DNAH8: variants seen among roughly 807,000 people sequenced by gnomAD.
The protein encoded by DNAH8 is dynein axonemal heavy chain 8.
In DNAH8, 382 loss-of-function variants were observed where a neutral mutation model predicts 562.1. That is an observed-to-expected ratio of 0.68 (90% CI 0.63 to 0.74). DNAH8 has a LOEUF of 0.74. DNAH8 is among the 30% of genes least tolerant of loss of function. The pLI is 0.00. For synonymous variants in DNAH8, 1,881 were observed against 1,919.4 expected, an observed-to-expected ratio of 0.98 and a Z score of 0.52; for missense variants, 5,203 against 5,620.4, an observed-to-expected ratio of 0.93 and a Z score of 2.37.
intron 41 of DNAH8, 67 bp downstream of exon 41, chr6:38,853,414 G>C: frequency 6.4e-7 from 1 of 1,557,176 alleles, no homozygotes; most frequent in Non-Finnish European, 8.8e-7. Flanking sequence ...ATGCTTAGCA[G>C]GTGGTTGACC....
chr6:38,761,355 T>G (rs1766495080), intron 10 of DNAH8, among the ~76,000 whole-genome samples: 1 of 148,944 alleles, frequency 6.7e-6, no homozygotes, highest in African/African-American at 2.5e-5. Flanking sequence ...GTGTTGCTCT[T>G]CATTTTTGTA....
intron 10 of DNAH8, among the ~76,000 whole-genome samples, chr6:38,757,095 C>T (rs1351365324): frequency 6.6e-6 from 1 of 152,178 alleles, no homozygotes; most frequent in East Asian, 1.9e-4. Flanking sequence ...GGAATCGCCA[C>T]ACTGACTTCC....
At position 38,747,279 on chromosome 6, in the gene DNAH8, A is replaced by T. The variant is rs371818083; in HGVS notation, c.1294-3197A>T. ...AAGGTCACAGAGTTAGTTGGAGGGG[A>T]AGCAGGATATAAGGTCATGCACTTA... On this transcript the variant is annotated intron_variant, in intron 8 of 92. Transcript: ENST00000327475. Among the ~76,000 whole-genome samples, 3 of 152,214 alleles carry T rather than the reference A, an allele frequency of 2.0e-5. No individual in the cohort carries two copies. In the East Asian group the frequency reaches 5.8e-4, roughly 29 times the overall value.
At chr6:38,774,635 A>G (rs1767892667) in intron 12 of DNAH8, among the ~76,000 whole-genome samples, 1 of 152,208 alleles carries the variant, frequency 6.6e-6, no homozygotes, top group South Asian at 2.1e-4. Context: ...AGTGACAGGA[A>G]TTTTGTCCTA....
Position 38,815,496 on chromosome 6 carries a change from A to G in DNAH8, c.3362A>G (p.Gln1121Arg). The change falls in exon 26 of 93, where the codon CAA becomes CGA. Residue 1121 changes from glutamine (Q) to arginine (R), a missense_variant. By Grantham distance (43) the Gln-to-Arg change is conservative. Transcript: ENST00000327475. ...VVMIPSLDDIQQAINRMIQLT... is the reference protein window; with the variant it reads ...VVMIPSLDDIRQAINRMIQLT... ...ATGATTCCTAGTTTGGATGACATTC[A>G]ACAAGCCATTAACCGTATGATCCAG... The G allele has an allele frequency of 6.2e-7, 1 of 1,613,964 alleles. No homozygotes were observed. Among genetic ancestry groups the G allele is most frequent in the Non-Finnish European group, 8.5e-7 (1 of 1,179,886 alleles).
At chr6:38,853,047 C>A in intron 40 of DNAH8, 139 bp from the exon 41 acceptor site, 1 of 709,626 alleles carries the variant, frequency 1.4e-6, no homozygotes, top group Non-Finnish European at 2.3e-6. Context: ...GGTGATTTTA[C>A]CCATATTTAA....
intron 24 of DNAH8, among the ~76,000 whole-genome samples, chr6:38,810,123 C>T (rs979721519): frequency 2.0e-5 from 3 of 152,112 alleles, no homozygotes; most frequent in African/African-American, 4.8e-5. Flanking sequence ...TATAGTTGCA[C>T]TTAATTTATG....
chr6:38,861,968 G>A (rs1248992479), intron 43 of DNAH8, among the ~76,000 whole-genome samples: 1 of 55,560 alleles, frequency 1.8e-5, no homozygotes, highest in Admixed American at 2.3e-4. Context: ...TTTTTTTTCT[G>A]GAGAGCCAGT....
chr6:38,932,195 C>CACACACACACACACAA (rs1361680686), intron 76 of DNAH8, among the ~76,000 whole-genome samples: 1 of 149,838 alleles, frequency 6.7e-6, no homozygotes, highest in Non-Finnish European at 1.5e-5. Context: ...CACACACACA[C>CACACACACACACACAA]ACACACACAC....
chr6:38,898,156 A>T (rs1779825730), intron 60 of DNAH8, 102 bp from the exon 61 acceptor site: 2 of 1,031,098 alleles, frequency 1.9e-6, no homozygotes, highest in South Asian at 1.6e-5. Context: ...TTAAAAAAAG[A>T]TATGTATATT....
intron 71 of DNAH8, 89 bp from the exon 72 acceptor site, chr6:38,922,969 C>A (rs1415108787): frequency 7.5e-7 from 1 of 1,328,400 alleles, no homozygotes; most frequent in Non-Finnish European, 1.0e-6. Context: ...TAAGAAATTC[C>A]CCCATGTATT....
chr6:38,960,429 A>AT (rs1762537045), intron 82 of DNAH8, among the ~76,000 whole-genome samples: 1 of 151,932 alleles, frequency 6.6e-6, no homozygotes, highest in African/African-American at 2.4e-5. Flanking sequence ...CAAAAAAAAA[A>AT]AAAATAATAA....
At chr6:39,015,031 A>G (rs1191771926) in intron 91 of DNAH8, among the ~76,000 whole-genome samples, 1 of 152,138 alleles carries the variant, frequency 6.6e-6, no homozygotes, top group Non-Finnish European at 1.5e-5. Flanking sequence ...TGTAGGCTGG[A>G]GGCAAGGTAC....
chr6:38,767,347 G>A (rs1248601332), intron 11 of DNAH8, among the ~76,000 whole-genome samples: 2 of 151,606 alleles, frequency 1.3e-5, no homozygotes, highest in Non-Finnish European at 2.9e-5. Context: ...TGAGGCAGGA[G>A]AATCACTTGA....
rs1554124184 is a variant in DNAH8, at chr6:38,874,078, T to TTC, written c.7620+704_7620+705dup. 3.8e-4 allele frequency among the ~76,000 whole-genome samples: 24 copies of TTC among 63,688 alleles called. 2 individuals are homozygous for TTC. The East Asian group carries it at 6.2e-3, about 17-fold the overall frequency. The allele number at this position is 63,688 out of a possible 152,430, so 41.8% of individuals were successfully genotyped here. ...TCTTTCTTTCTTTCTTTTTCTTTCT[T>TTC]TCTTTCTTTCTTTCTTTCTCTTTCT... is the stretch of plus-strand genomic sequence containing the variant. On this transcript the variant is annotated intron_variant, in intron 52 of 92. Transcript: ENST00000327475.
At chr6:38,883,147 A>AT in intron 54 of DNAH8, 95 bp downstream of exon 54, 37 of 1,363,156 alleles carry the variant, frequency 2.7e-5, no homozygotes, top group Non-Finnish European at 3.6e-5. Context: ...TATAGTACAC[A>AT]TTTTACATTT....
intron 33 of DNAH8, among the ~76,000 whole-genome samples, 177 bp from the exon 34 acceptor site, chr6:38,842,191 A>AC (rs1774855534): frequency 6.6e-6 from 1 of 152,218 alleles, no homozygotes. Context: ...GGCCTTAATG[A>AC]CAGATCTTTA....
At chr6:38,929,229 A>G (rs1190685667) in intron 74 of DNAH8, 1 of 241,804 alleles carries the variant, frequency 4.1e-6, no homozygotes, top group Non-Finnish European at 7.9e-6. Flanking sequence ...ATTCTCTTCC[A>G]TCTGTCAGGA....
At chr6:38,924,192 ATTTCAG>A in intron 73 of DNAH8, 30 bp downstream of exon 73, 2 of 1,605,156 alleles carry the variant, frequency 1.2e-6, no homozygotes, top group Non-Finnish European at 8.5e-7. Context: ...TGTTATTTGA[ATTTCAG>A]TCTCATTTTA....
Sources: allele counts gnomAD v4.1 joint callset (sites outside exome capture counted in the v4.1 genomes callset), GRCh38; gene constraint gnomAD v4.1.1; transcripts MANE v1.5; gene names NCBI Gene and HGNC (gene_info 2026-07-23, HGNC 2026-07-21).